Variants in UNKL observed in about 807,000 individuals in gnomAD.
The protein encoded by UNKL is unk like zinc finger.
A neutral mutation model predicts 78.0 loss-of-function variants in UNKL; 60 were observed. The observed-to-expected ratio is 0.77, with a 90% confidence interval of 0.63 to 0.95. The LOEUF is 0.95. UNKL is among the 40% of genes least tolerant of loss of function. The probability of loss-of-function intolerance (pLI) is 0.00; values close to 1 mark genes in which losing one functional copy is unlikely to be tolerated. For missense variants in UNKL, 1,159 were observed against 1,045.7 expected, an observed-to-expected ratio of 1.11 and a Z score of -1.49; for synonymous variants, 608 against 474.8, an observed-to-expected ratio of 1.28 and a Z score of -3.65.
chr16:1,367,454 C>T, intron 13 of UNKL, 105 bp from the exon 14 acceptor site: 4 of 1,426,880 alleles, frequency 2.8e-6, no homozygotes, highest in South Asian at 1.4e-5. Flanking sequence ...CCAGCATCAG[C>T]TGTGGCCCCC....
In UNKL at chr16:1,367,142, G is replaced by C. The variant is rs2035339576; in HGVS notation, c.1996C>G (p.Leu666Val). Residue 666 changes from leucine (L) to valine (V), a missense_variant, in exon 14 of 15, where the codon CTG (leucine) becomes GTG (valine). Coordinates refer to ENST00000389221, the MANE Select transcript of UNKL (RefSeq NM_001372107.1). ...GDIGTIPLPKLHSLQSQLRLD... is the reference protein window; with the variant it reads ...GDIGTIPLPKVHSLQSQLRLD... Reference sequence around the variant, plus strand: ...CGCAGCTGACTCTGCAGCGAGTGCAGCTTCGGCAGGGGAATGGTGCCGATG... The same window carrying C: ...CGCAGCTGACTCTGCAGCGAGTGCACCTTCGGCAGGGGAATGGTGCCGATG... 6.3e-7 allele frequency: 1 copy of C among 1,599,260 alleles called. No homozygotes were observed. The highest frequency in any genetic ancestry group is 1.3e-5 in the African/African-American group (1 of 74,626).
intron 8 of UNKL, among the ~76,000 whole-genome samples, chr16:1,391,902 G>A (rs2037066807): frequency 6.6e-6 from 1 of 151,852 alleles, no homozygotes; most frequent in South Asian, 2.1e-4. Flanking sequence ...TCATCAGGCC[G>A]GTCTCGAACT....
intron 10 of UNKL, chr16:1,379,499 T>G: frequency 1.0e-6 from 1 of 985,220 alleles, no homozygotes; most frequent in Non-Finnish European, 1.2e-6. Flanking sequence ...ACCCCGCGGC[T>G]GTCACACCCG....
chr16:1,413,903 G>A lies in UNKL; in HGVS notation c.230C>T (p.Pro77Leu), dbSNP rs1413253922. The change falls in exon 2 of 15, where the codon CCC (proline) becomes CTC (leucine). Residue 77 changes from proline to leucine, a missense_variant. Coordinates refer to ENST00000389221, the MANE Select transcript of UNKL (RefSeq NM_001372107.1). ...RRRDGTFNYS[P>L]DVYCSKYNEA... ...GTTGTACTTGGAGCAGTACACGTCG[G>A]GGCTGTAGTTGAAGGTGCCGTCGCG... The A allele has an allele frequency of 1.3e-6, 2 of 1,558,858 alleles. No individual in the cohort carries two copies. The highest frequency in any genetic ancestry group is 3.8e-5 in the Admixed American group (2 of 51,974).
At chr16:1,390,359 A>AG (rs1275634203) in intron 9 of UNKL, among the ~76,000 whole-genome samples, 2 of 152,198 alleles carry the variant, frequency 1.3e-5, no homozygotes. Flanking sequence ...TGGGCTCCAA[A>AG]GGGCCCCTCT....
intron 10 of UNKL, among the ~76,000 whole-genome samples, chr16:1,374,693 G>T (rs1277423228): frequency 1.3e-5 from 2 of 152,138 alleles, no homozygotes; most frequent in African/African-American, 4.8e-5. Flanking sequence ...CACCCAGCAG[G>T]GAGCTGGCTG....
rs1236465304 is a variant in UNKL at position 1,367,518 on chromosome 16, C to G, written c.1788+138G>C. The G allele has an allele frequency of 2.6e-4, 163 of 615,854 alleles. 2 individuals carry two copies. The Middle Eastern group carries it at 2.7e-3, about 10-fold the overall frequency. 38.1% of individuals were successfully genotyped at this position (615,854 alleles called of 1,614,324 possible). ...CCTCCCTCCCTCCCTCCCTCCCCCT[C>G]CCGTCTCACCCCCCACACGCTCACC... is the stretch of plus-strand genomic sequence containing the variant. On this transcript the variant is annotated intron_variant, in intron 13 of 14. Transcript: ENST00000389221.
At chr16:1,397,115 A>T in intron 6 of UNKL, 63 bp downstream of exon 6, 4 of 1,492,224 alleles carry the variant, frequency 2.7e-6, no homozygotes, top group Non-Finnish European at 3.6e-6. Flanking sequence ...CCACGCTGTG[A>T]ACCCCACAGC....
intron 14 of UNKL, among the ~76,000 whole-genome samples, chr16:1,366,889 A>AGGAAAGGCGGCTCCCAGGG (rs61464791): frequency 0.8 from 121,285 of 151,206 alleles, 49,061 homozygotes; most frequent in East Asian, 0.98. Context: ...CCAGCCTGAC[A>AGGAAAGGCGGCTCCCAGGG]GGAAAGGCGG....
Position 1,381,269 on chromosome 16 carries a change from T to C in UNKL, c.1264+3939A>G, listed in dbSNP as rs191816864. Among the ~76,000 whole-genome samples, 136 of 152,316 alleles carry C rather than the reference T, an allele frequency of 8.9e-4. 1 individual carries two copies. The highest frequency in any genetic ancestry group is 4.6e-3 in the South Asian group (22 of 4,822). ...TGCTCAAATTCTAGCATTACTACTTTTAGGTTGGGGAAGAGAAACTTTATT... is the reference window on the plus strand; with the variant it reads ...TGCTCAAATTCTAGCATTACTACTTCTAGGTTGGGGAAGAGAAACTTTATT... On this transcript the variant is annotated intron_variant, in intron 10 of 14. Transcript: ENST00000389221.
At chr16:1,400,776 C>G (rs2037491410) in intron 4 of UNKL, among the ~76,000 whole-genome samples, 1 of 151,970 alleles carries the variant, frequency 6.6e-6, no homozygotes, top group African/African-American at 2.4e-5. Flanking sequence ...CAACCTTCAC[C>G]CCCCGAGTTC....
chr16:1,385,354 G>A lies in UNKL; in HGVS notation c.1118C>T (p.Pro373Leu), dbSNP rs866604381. 42 of 1,415,624 alleles carry A rather than the reference G, an allele frequency of 3.0e-5. No individual in the cohort carries two copies. Among genetic ancestry groups the A allele is most frequent in the African/African-American group, 1.2e-4 (8 of 66,690 alleles). 87.7% of individuals were successfully genotyped at this position (1,415,624 alleles called of 1,614,324 possible). A position where few individuals can be genotyped will look rare whatever the true frequency, so the allele number is the denominator to read the frequency against. Reference sequence around the variant, plus strand: ...GCTGGAGCTCACGCTGGGGGCCGGCGGGTGGACCGCTGCAAACACGGCCAG... The same window carrying A: ...GCTGGAGCTCACGCTGGGGGCCGGCAGGTGGACCGCTGCAAACACGGCCAG... ...NHLAVFAAVHPPAPSVSSSVA... is the reference protein window; with the variant it reads ...NHLAVFAAVHLPAPSVSSSVA... Residue 373 changes from proline to leucine, a missense_variant, in exon 10 of 15, where the codon CCG becomes CTG. Transcript: ENST00000389221.
At chr16:1,410,123 G>A (rs1298074255) in intron 2 of UNKL, among the ~76,000 whole-genome samples, 1 of 152,042 alleles carries the variant, frequency 6.6e-6, no homozygotes, top group Non-Finnish European at 1.5e-5. Context: ...CTTTCTCGCC[G>A]GGTGCAGGGC....
intron 5 of UNKL, chr16:1,398,679 G>GCCGCCCCCC: frequency 3.7e-6 from 5 of 1,356,146 alleles, no homozygotes; most frequent in Non-Finnish European, 4.8e-6. Flanking sequence ...TGTGGGGTCT[G>GCCGCCCCCC]CACCCCCCCA....
intron 6 of UNKL, chr16:1,394,494 T>G: frequency 4.8e-6 from 3 of 618,866 alleles, no homozygotes; most frequent in Non-Finnish European, 9.0e-6. Context: ...CTTGATATTT[T>G]CTGAAAGATG....
intron 10 of UNKL, among the ~76,000 whole-genome samples, chr16:1,384,851 G>A (rs1046306155): frequency 3.3e-5 from 5 of 152,028 alleles, no homozygotes; most frequent in Non-Finnish European, 4.4e-5. Flanking sequence ...CTCCTGCCTC[G>A]GCCTCCCACA....
At chr16:1,394,415 G>A (rs2037174285) in intron 6 of UNKL, 200 bp from the exon 7 acceptor site, 5 of 708,646 alleles carry the variant, frequency 7.1e-6, no homozygotes, top group Non-Finnish European at 1.0e-5. Context: ...GACCCACAGG[G>A]AACACGCACA....
At chr16:1,369,879 G>T in intron 12 of UNKL, 2 of 1,449,326 alleles carry the variant, frequency 1.4e-6, no homozygotes, top group Non-Finnish European at 9.4e-7. Flanking sequence ...GGTGGCTGAG[G>T]CAGGAGAATT....
At chr16:1,406,971 T>C (rs189060610) in intron 2 of UNKL, among the ~76,000 whole-genome samples, 1 of 151,684 alleles carries the variant, frequency 6.6e-6, no homozygotes, top group Admixed American at 6.6e-5. Flanking sequence ...AAACCCCATC[T>C]CTACTAAAAA....
Sources: gnomAD v4.1 joint callset for allele counts (sites outside exome capture counted in the v4.1 genomes callset) on GRCh38, gnomAD v4.1.1 for gene constraint, MANE v1.5 for transcripts, NCBI Gene and HGNC (gene_info 2026-07-23, HGNC 2026-07-21) for gene names.